MAP4K4: variants seen among roughly 807,000 people sequenced by gnomAD.
MAP4K4 encodes the protein HPK/GCK-like kinase HGK.
In MAP4K4, 38 loss-of-function variants were observed where a neutral mutation model predicts 189.6. The observed-to-expected ratio is 0.20, with a 90% CI of 0.15 to 0.26. MAP4K4 has a LOEUF of 0.26. Among genes scored for constraint, MAP4K4 ranks in the 10% least tolerant of loss-of-function variants. The pLI is 1.00. For missense variants in MAP4K4, 1,054 were observed against 1,726.9 expected (o/e 0.61, Z 6.91); for synonymous variants, 610 against 624.3 (o/e 0.98, Z 0.34).
At chr2:101,792,840 G>A (rs1257390396) in intron 3 of MAP4K4, among the ~76,000 whole-genome samples, 3 of 152,114 alleles carry the variant, frequency 2.0e-5, no homozygotes, top group East Asian at 3.9e-4. Flanking sequence ...CACCATATTG[G>A]CCAGGCTGGT....
intron 2 of MAP4K4, among the ~76,000 whole-genome samples, chr2:101,707,813 C>T (rs1322456729): frequency 6.6e-6 from 1 of 151,382 alleles, no homozygotes; most frequent in African/African-American, 2.4e-5. Flanking sequence ...GCCTCAGCTT[C>T]CCGGTTAGAT....
intron 3 of MAP4K4, among the ~76,000 whole-genome samples, chr2:101,792,541 T>C (rs946495348): frequency 2.0e-5 from 3 of 151,994 alleles, no homozygotes; most frequent in Non-Finnish European, 4.4e-5. Flanking sequence ...GTGTAAAATA[T>C]AGGAAAATAT....
At chr2:101,860,854 C>G in exon 16 of MAP4K4, 1 of 1,609,078 alleles carries the variant, frequency 6.2e-7, no homozygotes, top group Non-Finnish European at 8.5e-7. Context: ...AAACTAACCA[C>G]AGCTCCCCTG....
chr2:101,776,253 A>C (rs1236212443), intron 2 of MAP4K4, among the ~76,000 whole-genome samples: 1 of 152,170 alleles, frequency 6.6e-6, no homozygotes, highest in Non-Finnish European at 1.5e-5. Flanking sequence ...ACAACAACAA[A>C]AAGCCCTCCC....
chr2:101,801,082 C>T (rs1167226652), intron 3 of MAP4K4, among the ~76,000 whole-genome samples: 1 of 152,154 alleles, frequency 6.6e-6, no homozygotes, highest in African/African-American at 2.4e-5. Context: ...CTCCTTTCCC[C>T]AGCTGCTGCT....
intron 3 of MAP4K4, among the ~76,000 whole-genome samples, chr2:101,793,419 G>A (rs1182048398): frequency 6.6e-6 from 1 of 152,168 alleles, no homozygotes; most frequent in Non-Finnish European, 1.5e-5. Context: ...CTCCTCTTGT[G>A]CAGTTGTAGG....
intron 9 of MAP4K4, among the ~76,000 whole-genome samples, 190 bp from the exon 10 acceptor site, chr2:101,839,629 C>T (rs1407224738): frequency 6.6e-6 from 1 of 152,180 alleles, no homozygotes; most frequent in African/African-American, 2.4e-5. Context: ...TTAAACTGTG[C>T]TAAATTAATG....
At chr2:101,824,354 A>G (rs760609049) in intron 4 of MAP4K4, among the ~76,000 whole-genome samples, 1 of 152,218 alleles carries the variant, frequency 6.6e-6, no homozygotes, top group African/African-American at 2.4e-5. Context: ...CTTGAAAGCA[A>G]TACAATAAAA....
intron 2 of MAP4K4, among the ~76,000 whole-genome samples, chr2:101,785,358 CTG>C (rs1308601036): frequency 1.3e-5 from 2 of 152,158 alleles, no homozygotes; most frequent in Non-Finnish European, 2.9e-5. Context: ...TAGCAAGGCT[CTG>C]TGACGGAAGG....
intron 8 of MAP4K4, 65 bp downstream of exon 8, chr2:101,834,528 C>T: frequency 8.0e-7 from 1 of 1,251,074 alleles, no homozygotes. Flanking sequence ...CCCAAGACTT[C>T]AAAAAGAACA....
chr2:101,750,219 A>G (rs1318438144), intron 2 of MAP4K4, among the ~76,000 whole-genome samples: 2 of 147,008 alleles, frequency 1.4e-5, no homozygotes, highest in African/African-American at 2.6e-5. Flanking sequence ...ACATATGTTT[A>G]TTGCGGCATT....
intron 18 of MAP4K4, among the ~76,000 whole-genome samples, chr2:101,865,269 A>G (rs868094565): frequency 3.9e-5 from 6 of 152,240 alleles, no homozygotes; most frequent in Admixed American, 6.5e-5. Flanking sequence ...AATTTAAACT[A>G]CTTTTCTCTG....
intron 2 of MAP4K4, among the ~76,000 whole-genome samples, chr2:101,731,621 G>A (rs1373022470): frequency 1.3e-5 from 2 of 151,912 alleles, no homozygotes; most frequent in Non-Finnish European, 2.9e-5. Flanking sequence ...TTACCCAGGC[G>A]TCATGGTGTA....
exon 1 of MAP4K4, chr2:101,697,977 G>A (rs890821185): frequency 5.4e-6 from 4 of 743,186 alleles, no homozygotes; most frequent in African/African-American, 1.9e-5. Flanking sequence ...GGGCCGGCTC[G>A]GCTGCCGCGC....
intron 7 of MAP4K4, among the ~76,000 whole-genome samples, chr2:101,833,897 T>G (rs1229834385): frequency 6.6e-6 from 1 of 152,188 alleles, no homozygotes; most frequent in African/African-American, 2.4e-5. Flanking sequence ...TGAACCACAT[T>G]AGGTTTTATG....
At chr2:101,807,034 T>C (rs1048234216) in intron 3 of MAP4K4, among the ~76,000 whole-genome samples, 4 of 151,074 alleles carry the variant, frequency 2.6e-5, no homozygotes, top group African/African-American at 9.8e-5. Flanking sequence ...TTCTTTCTTT[T>C]ACCCTTCTTT....
chr2:101,861,928 A>G (rs2097669597), intron 16 of MAP4K4: 2 of 138,056 alleles, frequency 1.4e-5, no homozygotes, highest in African/African-American at 2.7e-5. Flanking sequence ...TGCAGCATGG[A>G]GGAGTTAAAA....
intron 2 of MAP4K4, among the ~76,000 whole-genome samples, chr2:101,730,679 T>C (rs892609373): frequency 1.3e-5 from 2 of 152,080 alleles, no homozygotes; most frequent in African/African-American, 4.8e-5. Flanking sequence ...TAAGCATACG[T>C]TTTTGAATTT....
chr2:101,740,958 A>G (rs558877867), intron 2 of MAP4K4, among the ~76,000 whole-genome samples: 34 of 152,152 alleles, frequency 2.2e-4, no homozygotes, highest in African/African-American at 8.0e-4. Flanking sequence ...AAATACCTCC[A>G]TTAGTTGTTA....
Sources: allele counts gnomAD v4.1 joint callset (sites outside exome capture counted in the v4.1 genomes callset), GRCh38; gene constraint gnomAD v4.1.1; transcripts MANE v1.5; gene names NCBI Gene and HGNC (gene_info 2026-07-23, HGNC 2026-07-21).